RIMKLB: variants seen among roughly 807,000 people sequenced by gnomAD.
RIMKLB encodes beta-citrylglutamate synthase B.
RIMKLB carries 7 observed loss-of-function variants against 32.0 expected under a neutral mutation model. The ratio of observed to expected loss-of-function variants is 0.22; its 90% CI spans 0.12 to 0.41. The LOEUF (loss-of-function observed/expected upper bound fraction) is 0.41. Among genes scored for constraint, RIMKLB ranks in the 10% least tolerant of loss-of-function variants. The pLI is 1.00. For missense variants in RIMKLB, 289 were observed against 498.7 expected (o/e 0.58, Z 4.00); for synonymous variants, 172 against 185.1 (o/e 0.93, Z 0.57).
intron 1 of RIMKLB, among the ~76,000 whole-genome samples, chr12:8,684,921 C>A (rs1942527831): frequency 6.6e-6 from 1 of 152,158 alleles, no homozygotes; most frequent in African/African-American, 2.4e-5. Flanking sequence ...CCGCACCCAG[C>A]CTGTGTTTAT....
At chr12:8,732,200 A>C (rs1476510907) in intron 2 of RIMKLB, among the ~76,000 whole-genome samples, 1 of 152,030 alleles carries the variant, frequency 6.6e-6, no homozygotes, top group African/African-American at 2.4e-5. Context: ...AGGTCTGTAT[A>C]ATGTGAGGCT....
Position 8,757,470 on chromosome 12 carries a change from C to CAAAAAAAAAAAAAAAAAAA in RIMKLB, c.697+3378_697+3396dup, listed in dbSNP as rs55670138. On this transcript the variant is annotated intron_variant, in intron 5 of 5. Coordinates refer to ENST00000535829, the MANE Select transcript of RIMKLB (RefSeq NM_001297776.2). ...TAGGTGACACAGCAAGACCCTGTCT[C>CAAAAAAAAAAAAAAAAAAA]AAAAAAAAAAAAAAAAAAAGTTGTT... Among the ~76,000 whole-genome samples the CAAAAAAAAAAAAAAAAAAA allele has an allele frequency of 1.9e-3, 135 of 71,346 alleles. 6 individuals carry two copies. The highest frequency in any genetic ancestry group is 6.5e-3 in the African/African-American group (131 of 20,190). The allele number at this position is 71,346 out of a possible 152,430, so 46.8% of individuals were successfully genotyped here.
chr12:8,758,388 A>G (rs954145792), intron 5 of RIMKLB, among the ~76,000 whole-genome samples: 22 of 151,832 alleles, frequency 1.4e-4, no homozygotes, highest in African/African-American at 5.1e-4. Flanking sequence ...CCCAGAGTCC[A>G]GTGATTACAG....
intron 5 of RIMKLB, among the ~76,000 whole-genome samples, chr12:8,757,228 A>G (rs1404935528): frequency 6.6e-6 from 1 of 152,024 alleles, no homozygotes; most frequent in East Asian, 1.9e-4. Context: ...TTTTTCATTA[A>G]GTTTGTTTTG....
At chr12:8,722,861 A>T (rs1945600179) in intron 2 of RIMKLB, among the ~76,000 whole-genome samples, 1 of 152,218 alleles carries the variant, frequency 6.6e-6, no homozygotes, top group Non-Finnish European at 1.5e-5. Context: ...ACTCTGTTAG[A>T]TTCAAACTTT....
intron 1 of RIMKLB, among the ~76,000 whole-genome samples, chr12:8,700,792 G>T (rs1038745134): frequency 6.6e-6 from 1 of 152,126 alleles, no homozygotes; most frequent in African/African-American, 2.4e-5. Flanking sequence ...GTGGCCTGGC[G>T]CAGTGGCTCA....
intron 5 of RIMKLB, among the ~76,000 whole-genome samples, chr12:8,760,419 T>C (rs966839825): frequency 6.6e-6 from 1 of 152,256 alleles, no homozygotes; most frequent in African/African-American, 2.4e-5. Flanking sequence ...TACATGTGTC[T>C]TTATAGCAGC....
chr12:8,714,935 G>A (rs1244629113), intron 2 of RIMKLB, among the ~76,000 whole-genome samples: 1 of 152,100 alleles, frequency 6.6e-6, no homozygotes, highest in Non-Finnish European at 1.5e-5. Flanking sequence ...TCAATGAAAT[G>A]GAGAAAGACA....
rs955108185 is a variant in RIMKLB at position 8,754,135 on chromosome 12, T to G, written c.697+42T>G. The stretch of plus-strand genomic sequence containing the variant: ...TATCTTTCTAGTATATAAAGTAACA[T>G]TTATAATTGTCCAGTGAGTATTCAT... On this transcript the variant is annotated intron_variant, in intron 5 of 5. Transcript: ENST00000535829. The G allele has an allele frequency of 4.2e-6, 6 of 1,436,774 alleles. No homozygotes were observed. The African/African-American group carries it at 8.4e-5, about 20-fold the overall frequency. 89.0% of individuals were successfully genotyped at this position (1,436,774 alleles called of 1,614,324 possible).
chr12:8,715,228 CT>C (rs61677474), intron 2 of RIMKLB, among the ~76,000 whole-genome samples: 193 of 123,734 alleles, frequency 1.6e-3, no homozygotes, highest in Middle Eastern at 4.0e-3. Flanking sequence ...TGCTCTTGTT[CT>C]TTTTTTTTTT....
In RIMKLB at chr12:8,773,826, T is replaced by C. The variant is rs2138305125; in HGVS notation, c.*42T>C. ...CCAACAAAACCCTTGTAAAACTTTC[T>C]TTCTTCTTTTCTATTTTTAAAACCA... On this transcript the variant is annotated 3_prime_UTR_variant, in exon 6 of 6. Coordinates refer to ENST00000535829, the MANE Select transcript of RIMKLB (RefSeq NM_001297776.2). 1 of 1,548,826 alleles carries C rather than the reference T, an allele frequency of 6.5e-7. No homozygotes were observed. Among genetic ancestry groups the C allele is most frequent in the East Asian group, 2.3e-5 (1 of 44,222 alleles).
chr12:8,776,604 A>C lies in RIMKLB; in HGVS notation c.*2820A>C, dbSNP rs1217622669. On this transcript the variant is annotated 3_prime_UTR_variant, in exon 6 of 6. Coordinates refer to ENST00000535829, the MANE Select transcript of RIMKLB (RefSeq NM_001297776.2). ...TTCTGATATTGTTTTTATGTCACCCATGATGAAAACTGGACTTTATATATC... is the reference window on the plus strand; with the variant it reads ...TTCTGATATTGTTTTTATGTCACCCCTGATGAAAACTGGACTTTATATATC... The C allele has an allele frequency of 4.7e-6, 4 of 856,646 alleles. No individual in the cohort carries two copies. Among genetic ancestry groups the C allele is most frequent in the Non-Finnish European group, 5.6e-6 (4 of 712,960 alleles). 53.1% of individuals were successfully genotyped at this position (856,646 alleles called of 1,614,324 possible).
chr12:8,732,752 T>TACACAC (rs1317870164), intron 2 of RIMKLB, among the ~76,000 whole-genome samples: 9 of 144,514 alleles, frequency 6.2e-5, no homozygotes, highest in African/African-American at 2.6e-4. Context: ...AAATTATATA[T>TACACAC]ATATACACAC....
intron 1 of RIMKLB, among the ~76,000 whole-genome samples, chr12:8,698,781 A>C (rs1253165979): frequency 6.6e-6 from 1 of 150,822 alleles, no homozygotes; most frequent in Non-Finnish European, 1.5e-5. Flanking sequence ...CAGCTACTGT[A>C]TTCGATTCCA....
Position 8,776,107 on chromosome 12 carries a change from G to A in RIMKLB, c.*2323G>A. The A allele has an allele frequency of 2.0e-6, 2 of 984,330 alleles. No homozygotes were observed. The highest frequency in any genetic ancestry group is 2.4e-6 in the Non-Finnish European group (2 of 828,928). 61.0% of individuals were successfully genotyped at this position (984,330 alleles called of 1,614,324 possible). A position where few individuals can be genotyped will look rare whatever the true frequency, so the allele number is the denominator to read the frequency against. ...CACTTTGAATAGTTACATATCACAA[G>A]TATGTAGTTCATGTTTGTGTTGGTG... On this transcript the variant is annotated 3_prime_UTR_variant, in exon 6 of 6. Transcript: ENST00000535829.
intron 1 of RIMKLB, among the ~76,000 whole-genome samples, chr12:8,706,793 TG>T (rs1297227471): frequency 6.6e-6 from 1 of 152,062 alleles, no homozygotes; most frequent in African/African-American, 2.4e-5. Flanking sequence ...GAGGCAACAG[TG>T]GGTGGCATTT....
At position 8,776,897 on chromosome 12, in the gene RIMKLB, G is replaced by A. The variant is rs748214353; in HGVS notation, c.*3113G>A. 49 of 985,676 alleles carry A rather than the reference G, an allele frequency of 5.0e-5. No individual in the cohort carries two copies. Among genetic ancestry groups the A allele is most frequent in the Non-Finnish European group, 5.5e-5 (46 of 829,874 alleles). The allele number at this position is 985,676 out of a possible 1,614,324, so 61.1% of individuals were successfully genotyped here. A position where few individuals can be genotyped will look rare whatever the true frequency, so the allele number is the denominator to read the frequency against. On this transcript the variant is annotated 3_prime_UTR_variant, in exon 6 of 6. Coordinates refer to ENST00000535829, the MANE Select transcript of RIMKLB (RefSeq NM_001297776.2). Reference sequence around the variant, plus strand: ...CTCTTTTTCTCAAGAAGAAAGCAATGGAGAAGCAAATTTGTTTCATTCAGT... The same window carrying A: ...CTCTTTTTCTCAAGAAGAAAGCAATAGAGAAGCAAATTTGTTTCATTCAGT...
chr12:8,782,374 T>G (rs1951135867), intron 7 of RIMKLB, among the ~76,000 whole-genome samples: 1 of 151,744 alleles, frequency 6.6e-6, no homozygotes, highest in Non-Finnish European at 1.5e-5. Context: ...TGCTAAGGAG[T>G]AATAGTACGG....
chr12:8,684,431 C>T (rs1015660200), intron 1 of RIMKLB, among the ~76,000 whole-genome samples: 1 of 152,154 alleles, frequency 6.6e-6, no homozygotes, highest in Non-Finnish European at 1.5e-5. Flanking sequence ...CCCCCGCCTC[C>T]CAAAGTGTTG....
Sources: allele counts gnomAD v4.1 joint callset (sites outside exome capture counted in the v4.1 genomes callset), GRCh38; gene constraint gnomAD v4.1.1; transcripts MANE v1.5; gene names NCBI Gene and HGNC (gene_info 2026-07-23, HGNC 2026-07-21).